CTTN: variants seen among roughly 807,000 people sequenced by gnomAD.
CTTN encodes src substrate cortactin.
Under a neutral mutation model 84.0 loss-of-function variants are expected in CTTN, and 28 were observed. The ratio of observed to expected loss-of-function variants is 0.33; its 90% confidence interval spans 0.25 to 0.46. The LOEUF (loss-of-function observed/expected upper bound fraction) is 0.46, where lower values mean the gene tolerates loss of function less well. Ranked by LOEUF, CTTN falls within the 20% of genes least tolerant of loss-of-function variation. The pLI is 1.00. For missense variants in CTTN, 641 were observed against 723.8 expected, an observed-to-expected ratio of 0.89 and a Z score of 1.31; for synonymous variants, 301 against 288.8, an observed-to-expected ratio of 1.04 and a Z score of -0.43.
intron 13 of CTTN, among the ~76,000 whole-genome samples, chr11:70,426,936 G>C (rs2058307161): frequency 4.0e-5 from 6 of 151,798 alleles, no homozygotes; most frequent in Admixed American, 6.6e-5. Flanking sequence ...AGGTCTCACT[G>C]TGTTGCCCAG....
Position 70,435,148 on chromosome 11 carries a change from G to C in CTTN, c.1639G>C (p.Glu547Gln). The C allele has an allele frequency of 6.2e-7, 1 of 1,610,934 alleles. No homozygotes were observed. Among genetic ancestry groups the C allele is most frequent in the Non-Finnish European group, 8.5e-7 (1 of 1,178,796 alleles). ...CGGGCTCTTCCCAGCCAACTATGTG[G>C]AGCTGCGGCAGTAGGGCCCCCAGCC... Reference protein sequence around the residue: ...RYGLFPANYVELRQ With the variant: ...RYGLFPANYVQLRQ Residue 547 changes from glutamate (E) to glutamine (Q), a missense_variant, in exon 18 of 18, where the codon GAG becomes CAG. Around this residue, in one of 3 missense-constraint regions of CTTN, gnomAD observed 68 missense variants for 102.2 expected, o/e 0.67. Coordinates refer to ENST00000301843, the MANE Select transcript of CTTN (RefSeq NM_005231.4).
chr11:70,410,083 G>T, intron 5 of CTTN, 123 bp downstream of exon 5: 1 of 1,014,682 alleles, frequency 9.9e-7, no homozygotes. Context: ...CTGAGGTTGC[G>T]ATTTGCCCGG....
At chr11:70,416,685 A>G (rs1455983159) in intron 7 of CTTN, 6 of 219,792 alleles carry the variant, frequency 2.7e-5, no homozygotes, top group Non-Finnish European at 2.7e-5. Context: ...CGCCCACCTC[A>G]GCCTCCAAAG....
Position 70,435,180 on chromosome 11 carries a change from C to G in CTTN, c.*18C>G, listed in dbSNP as rs747909707. 8.9e-5 allele frequency: 142 copies of G among 1,595,796 alleles called. No homozygotes were observed. In the South Asian group the frequency reaches 1.3e-3, roughly 15 times the overall value. On this transcript the variant is annotated 3_prime_UTR_variant, in exon 18 of 18. Transcript: ENST00000301843. Reference sequence around the variant, plus strand: ...GGCAGTAGGGCCCCCAGCCCCCCCCCGGAGCTGCGCCCTGGATCCTCACAC... The same window carrying G: ...GGCAGTAGGGCCCCCAGCCCCCCCCGGGAGCTGCGCCCTGGATCCTCACAC...
chr11:70,404,151 G>C (rs537775095), intron 1 of CTTN, among the ~76,000 whole-genome samples: 22 of 152,228 alleles, frequency 1.4e-4, no homozygotes, highest in Non-Finnish European at 2.8e-4. Context: ...GAAGGGAACT[G>C]GGGAGAGAGA....
chr11:70,431,852 C>A (rs750207875), intron 15 of CTTN, among the ~76,000 whole-genome samples: 1 of 152,162 alleles, frequency 6.6e-6, no homozygotes, highest in African/African-American at 2.4e-5. Context: ...GCCGATGCCC[C>A]GCCCATCCCT....
In CTTN at chr11:70,420,509, A is replaced by C. The variant is rs758151323; in HGVS notation, c.789A>C (p.Lys263Asn). The change falls in exon 10 of 18, where the codon AAA (lysine) becomes AAC (asparagine). Residue 263 changes from lysine (K) to asparagine (N), a missense_variant and splice_region_variant. Lys to Asn is a moderately conservative substitution (Grantham distance 94). Coordinates refer to ENST00000301843, the MANE Select transcript of CTTN (RefSeq NM_005231.4). ...QEKLQLHESQ[K>N]DYKTGFGGKF... ...AATTGCAGCTGCATGAATCCCAAAAAGGTACATTCACTCTGCCTGTATGCG... is the reference window on the plus strand; with the variant it reads ...AATTGCAGCTGCATGAATCCCAAAACGGTACATTCACTCTGCCTGTATGCG... The C allele has an allele frequency of 3.1e-6, 5 of 1,609,184 alleles. No individual in the cohort carries two copies. Among genetic ancestry groups the C allele is most frequent in the Non-Finnish European group, 4.3e-6 (5 of 1,175,576 alleles).
chr11:70,407,340 G>C lies in CTTN; in HGVS notation c.43G>C (p.Asp15His), dbSNP rs1163379105. 6.4e-7 allele frequency: 1 copy of C among 1,561,972 alleles called. No individual in the cohort carries two copies. The highest frequency in any genetic ancestry group is 8.7e-7 in the Non-Finnish European group (1 of 1,153,060). The change falls in exon 3 of 18, where the codon GAT becomes CAT. Residue 15 changes from aspartate (D) to histidine (H), a missense_variant. Asp to His is a moderately conservative substitution (Grantham distance 81). Transcript: ENST00000301843. ...SAGHAVSIAQ[D>H]DAGADDWETD... ...AGGCCACGCTGTGTCCATCGCCCAG[G>C]ATGACGCGGGGGCCGATGACTGGGA...
chr11:70,417,148 A>G (rs762844602), intron 8 of CTTN, 25 bp downstream of exon 8: 2 of 1,577,902 alleles, frequency 1.3e-6, no homozygotes, highest in Admixed American at 3.3e-5. Flanking sequence ...ACGGTCTGTA[A>G]TCACGCGTTT....
chr11:70,435,055 G>C lies in CTTN; in HGVS notation c.1546G>C (p.Asp516His). 1 of 1,614,044 alleles carries C rather than the reference G, an allele frequency of 6.2e-7. No homozygotes were observed. The change falls in exon 18 of 18, where the codon GAT becomes CAT. Residue 516 changes from aspartate to histidine, a missense_variant. This residue lies in a region of CTTN where 68 missense variants were observed against 102.2 expected (regional missense o/e 0.67). Transcript: ENST00000301843. Reference protein sequence around the residue: ...AGDDEISFDPDDIITNIEMID... With the variant: ...AGDDEISFDPHDIITNIEMID... The stretch of plus-strand genomic sequence containing the variant: ...CGATGATGAGATCTCATTTGACCCT[G>C]ATGACATCATCACCAACATCGAGAT...
chr11:70,421,602 T>C (rs775044316), intron 11 of CTTN, 22 bp downstream of exon 11: 1 of 1,560,918 alleles, frequency 6.4e-7, no homozygotes, highest in Non-Finnish European at 8.8e-7. Flanking sequence ...ACCAGCCTCC[T>C]ACCCTCCCCC....
At chr11:70,402,260 G>T (rs1394188782) in intron 1 of CTTN, among the ~76,000 whole-genome samples, 2 of 152,340 alleles carry the variant, frequency 1.3e-5, no homozygotes, top group African/African-American at 2.4e-5. Context: ...TGCAAGGAAG[G>T]TTTAATGTTG....
chr11:70,425,166 T>C (rs556376786), intron 12 of CTTN, among the ~76,000 whole-genome samples, 166 bp from the exon 13 acceptor site: 1 of 152,330 alleles, frequency 6.6e-6, no homozygotes, highest in African/African-American at 2.4e-5. Context: ...ATAGTTTTCA[T>C]GCCTCAGTTA....
chr11:70,407,480 T>C (rs569732), intron 3 of CTTN, 38 bp from the exon 4 acceptor site: 708,379 of 1,612,704 alleles, frequency 0.44, 164,033 homozygotes, highest in African/African-American at 0.8. Context: ...TGTGTCACAA[T>C]CCAGGCTGTG....
intron 1 of CTTN, among the ~76,000 whole-genome samples, chr11:70,404,943 G>A (rs936927116): frequency 5.9e-5 from 9 of 152,178 alleles, no homozygotes; most frequent in African/African-American, 1.9e-4. Context: ...TGGAGTTTGC[G>A]GTAAGCCGCG....
intron 17 of CTTN, 62 bp downstream of exon 17, chr11:70,433,780 T>C (rs2058383001): frequency 6.8e-6 from 7 of 1,030,590 alleles, no homozygotes; most frequent in Non-Finnish European, 1.1e-5. Context: ...CCTCTGCTTG[T>C]TTTCTGAGAA....
Position 70,433,643 on chromosome 11 carries a change from T to C in CTTN, c.1445-4T>C. On this transcript the variant is annotated splice_polypyrimidine_tract_variant and splice_region_variant and intron_variant, in intron 16 of 17. Transcript: ENST00000301843. Reference sequence around the variant, plus strand: ...TGTTCAGCTCTGTCATGGCTTTCTTTTAGAGGACAGCACCTACGATGAGTA... The same window carrying C: ...TGTTCAGCTCTGTCATGGCTTTCTTCTAGAGGACAGCACCTACGATGAGTA... 2 of 1,607,818 alleles carry C rather than the reference T, an allele frequency of 1.2e-6. No individual in the cohort carries two copies. The highest frequency in any genetic ancestry group is 1.7e-6 in the Non-Finnish European group (2 of 1,174,434).
At chr11:70,430,205 G>T (rs967297436) in intron 14 of CTTN, among the ~76,000 whole-genome samples, 4 of 152,210 alleles carry the variant, frequency 2.6e-5, no homozygotes, top group African/African-American at 9.6e-5. Context: ...GGGGTTTGGA[G>T]TGGACACCTG....
intron 11 of CTTN, chr11:70,422,487 AT>A (rs200722008): frequency 1.8e-4 from 226 of 1,221,926 alleles, no homozygotes; most frequent in East Asian, 5.7e-4. Flanking sequence ...TTCCACATGG[AT>A]TTTTTTTTTC....
Sources: allele counts gnomAD v4.1 joint callset (sites outside exome capture counted in the v4.1 genomes callset), GRCh38; gene constraint gnomAD v4.1.1; regional missense constraint gnomAD v4.1.1; transcripts MANE v1.5; gene names NCBI Gene and HGNC (gene_info 2026-07-23, HGNC 2026-07-21).